The following DPY19L3 variants were observed in gnomAD, a reference collection of about 807,000 sequenced individuals.
The protein encoded by DPY19L3 is dpy-19 like C-mannosyltransferase 3, also known as protein C-mannosyl-transferase DPY19L3.
DPY19L3 carries 51 observed loss-of-function variants against 92.3 expected under a neutral mutation model. That is an observed-to-expected ratio of 0.55 (90% CI 0.44 to 0.70). DPY19L3 has a LOEUF of 0.70. Among genes scored for constraint, DPY19L3 ranks in the 30% least tolerant of loss-of-function variants. DPY19L3 has a pLI of 0.00. For synonymous variants in DPY19L3, 309 were observed against 315.2 expected (o/e 0.98, Z 0.21); for missense variants, 706 against 855.9 (o/e 0.82, Z 2.18).
chr19:32,457,056 A>G (rs958683584), intron 10 of DPY19L3, among the ~76,000 whole-genome samples: 3 of 152,136 alleles, frequency 2.0e-5, no homozygotes, highest in Non-Finnish European at 4.4e-5. Context: ...AGAGTGGCCA[A>G]AGATACACAG....
chr19:32,444,254 G>A (rs1334272835), intron 8 of DPY19L3, among the ~76,000 whole-genome samples: 3 of 152,032 alleles, frequency 2.0e-5, no homozygotes, highest in East Asian at 1.9e-4. Flanking sequence ...AGAAGTAGAA[G>A]ATACAAAGAA....
At position 32,423,293 on chromosome 19, in the gene DPY19L3, A is replaced by G. The variant is rs546006353; in HGVS notation, c.238-9423A>G. Among the ~76,000 whole-genome samples the G allele has an allele frequency of 2.0e-5, 3 of 152,048 alleles. No homozygotes were observed. The East Asian group carries it at 5.8e-4, about 29-fold the overall frequency. The stretch of plus-strand genomic sequence containing the variant: ...TCGCTCTGTCGCCTAGGCTGGAATG[A>G]AGTGGCGTGATCTTGGCTCACTGCA... On this transcript the variant is annotated intron_variant, in intron 3 of 18. Transcript: ENST00000392250.
At chr19:32,424,951 A>AG (rs988097940) in intron 3 of DPY19L3, among the ~76,000 whole-genome samples, 3 of 152,324 alleles carry the variant, frequency 2.0e-5, no homozygotes, top group Admixed American at 2.0e-4. Context: ...GATTTTCAGC[A>AG]GGGCACCAGG....
At chr19:32,454,867 T>C in intron 9 of DPY19L3, 72 bp from the exon 10 acceptor site, 1 of 995,322 alleles carries the variant, frequency 1.0e-6, no homozygotes, top group Non-Finnish European at 1.5e-6. Flanking sequence ...AATCCTTAAG[T>C]AAGCTCATCT....
chr19:32,423,402 A>ATTTTTTTTTTTTTTTTTTTTTTTTTTT (rs71176123), intron 3 of DPY19L3, among the ~76,000 whole-genome samples: 6 of 82,226 alleles, frequency 7.3e-5, no homozygotes, highest in Non-Finnish European at 1.2e-4. Context: ...TGCCCAGCTA[A>ATTTTTTTTTTTTTTTTTTTTTTTTTTT]TTTTTTTTTT....
intron 13 of DPY19L3, 81 bp downstream of exon 13, chr19:32,463,569 A>G (rs531146987): frequency 1.6e-5 from 24 of 1,458,686 alleles, no homozygotes; most frequent in East Asian, 9.2e-5. Context: ...GAAAGTGACA[A>G]TCATCTTCAT....
chr19:32,439,337 T>C (rs1969250985), intron 7 of DPY19L3, 102 bp downstream of exon 7: 1 of 1,232,588 alleles, frequency 8.1e-7, no homozygotes, highest in Non-Finnish European at 1.1e-6. Flanking sequence ...TGAATAGTTC[T>C]TATTCCATGA....
chr19:32,419,124 A>G (rs1968474669), intron 3 of DPY19L3, among the ~76,000 whole-genome samples: 1 of 148,838 alleles, frequency 6.7e-6, no homozygotes, highest in South Asian at 2.1e-4. Flanking sequence ...GCTTGGAACT[A>G]TTTGGGGGCA....
chr19:32,437,053 A>C, intron 5 of DPY19L3, 141 bp from the exon 6 acceptor site: 1 of 903,300 alleles, frequency 1.1e-6, no homozygotes, highest in Non-Finnish European at 1.6e-6. Flanking sequence ...ACGCTTCTCT[A>C]ATAGATGAAA....
intron 11 of DPY19L3, 64 bp from the exon 12 acceptor site, chr19:32,458,287 A>G: frequency 1.9e-6 from 3 of 1,585,994 alleles, no homozygotes; most frequent in Non-Finnish European, 8.6e-7. Flanking sequence ...CTCTGAGGAA[A>G]GATGCAATGT....
At chr19:32,470,217 C>T (rs1265464128) in intron 16 of DPY19L3, among the ~76,000 whole-genome samples, 1 of 152,192 alleles carries the variant, frequency 6.6e-6, no homozygotes, top group African/African-American at 2.4e-5. Context: ...TAAATCATGC[C>T]AGACGATTAC....
intron 14 of DPY19L3, 26 bp from the exon 15 acceptor site, chr19:32,464,702 A>C: frequency 7.3e-7 from 1 of 1,364,062 alleles, no homozygotes. Context: ...AATACTTATA[A>C]TCTAAATAAT....
intron 16 of DPY19L3, among the ~76,000 whole-genome samples, chr19:32,472,446 G>C (rs1415562469): frequency 6.6e-6 from 1 of 151,374 alleles, no homozygotes; most frequent in Non-Finnish European, 1.5e-5. Flanking sequence ...TGCATGCCTT[G>C]TTTTCAAGCA....
rs561375815 is a variant in DPY19L3 at position 32,437,960 on chromosome 19, T to C, written c.596+621T>C. 1.4e-4 allele frequency among the ~76,000 whole-genome samples: 22 copies of C among 152,248 alleles called. No homozygotes were observed. The South Asian group carries it at 3.7e-3, about 26-fold the overall frequency. ...AAGTATCAAGATTACAGGCATGAGC[T>C]ACTGTGCCTTGCCTAAAAAGTTTTA... On this transcript the variant is annotated intron_variant, in intron 6 of 18. Coordinates refer to ENST00000392250, the MANE Select transcript of DPY19L3 (RefSeq NM_001172774.2).
Position 32,480,564 on chromosome 19 carries a change from A to G in DPY19L3, c.1989+7A>G, listed in dbSNP as rs766392407. ...GGACATTGCCAACGGCCACGTGAGCATGCTGCCTCTCCCTGTGTGGGGGTC... is the reference window on the plus strand; with the variant it reads ...GGACATTGCCAACGGCCACGTGAGCGTGCTGCCTCTCCCTGTGTGGGGGTC... On this transcript the variant is annotated splice_region_variant and intron_variant, in intron 18 of 18. Transcript: ENST00000392250. The G allele has an allele frequency of 7.5e-6, 12 of 1,610,502 alleles. No individual in the cohort carries two copies. The highest frequency in any genetic ancestry group is 1.0e-5 in the Non-Finnish European group (12 of 1,178,434).
chr19:32,457,744 G>C (rs1476128909), intron 10 of DPY19L3, among the ~76,000 whole-genome samples: 1 of 152,142 alleles, frequency 6.6e-6, no homozygotes, highest in African/African-American at 2.4e-5. Flanking sequence ...TGAGGTTTCA[G>C]ATCATCGTCT....
intron 3 of DPY19L3, chr19:32,412,572 G>A (rs1257526195): frequency 6.6e-6 from 1 of 152,096 alleles, no homozygotes; most frequent in East Asian, 1.9e-4. Context: ...TGTGCAAGTG[G>A]TTTTGCAGGG....
intron 17 of DPY19L3, 65 bp from the exon 18 acceptor site, chr19:32,480,334 C>A: frequency 6.5e-7 from 1 of 1,540,884 alleles, no homozygotes; most frequent in Admixed American, 1.9e-5. Flanking sequence ...AAGGTTACAT[C>A]ACATAGTTAA....
chr19:32,444,065 T>C (rs1458008333), intron 8 of DPY19L3, among the ~76,000 whole-genome samples: 2 of 150,840 alleles, frequency 1.3e-5, no homozygotes, highest in Non-Finnish European at 3.0e-5. Context: ...AAAATTCTTA[T>C]ATTAAGAATT....
Sources: allele counts gnomAD v4.1 joint callset (sites outside exome capture counted in the v4.1 genomes callset), GRCh38; gene constraint gnomAD v4.1.1; transcripts MANE v1.5; gene names NCBI Gene and HGNC (gene_info 2026-07-23, HGNC 2026-07-21).